The following UBN2 variants were observed in gnomAD, a reference collection of about 807,000 sequenced individuals.
UBN2 encodes the protein ubinuclein 2.
A neutral mutation model predicts 120.2 loss-of-function variants in UBN2; 35 were observed. That is an observed-to-expected ratio of 0.29 (90% CI 0.22 to 0.39). The LOEUF is 0.39. Ranked by LOEUF, UBN2 falls within the 10% of genes least tolerant of loss-of-function variation. The pLI, the probability that UBN2 is intolerant of heterozygous loss-of-function variation, is 1.00. For missense variants in UBN2, 1,693 were observed against 1,663.2 expected (o/e 1.02, Z -0.31); for synonymous variants, 661 against 648.7 (o/e 1.02, Z -0.29).
intron 2 of UBN2, among the ~76,000 whole-genome samples, chr7:139,246,843 C>T (rs1796482614): frequency 6.6e-6 from 1 of 152,162 alleles, no homozygotes. Flanking sequence ...GGTACTTTGA[C>T]TTAGCATAGT....
chr7:139,311,578 CACCTAGCACAGT>C (rs919940732), downstream of UBN2, among the ~76,000 whole-genome samples: 6 of 152,226 alleles, frequency 3.9e-5, no homozygotes, highest in Non-Finnish European at 5.9e-5. Flanking sequence ...GTATGGAAAG[CACCTAGCACAGT>C]GCCTAGCACA....
In UBN2 at chr7:139,273,953, G is replaced by A. The variant is rs1797365674; in HGVS notation, c.1852G>A (p.Glu618Lys). The A allele has an allele frequency of 4.3e-6, 7 of 1,610,130 alleles. No homozygotes were observed. Among genetic ancestry groups the A allele is most frequent in the Non-Finnish European group, 5.1e-6 (6 of 1,178,986 alleles). ...TAGAACTTTGTTATGTAACCTTGTT[G>A]AGATCAAATTGGGATGCTATGAGTT... ...TIRTLLCNLVEIKLGCYELEP... is the reference protein window; with the variant it reads ...TIRTLLCNLVKIKLGCYELEP... Residue 618 changes from glutamate (E) to lysine (K), a missense_variant, in exon 11 of 18, where the codon GAG becomes AAG. By Grantham distance (56) the Glu-to-Lys change is moderately conservative. Transcript: ENST00000473989.
intron 13 of UBN2, 76 bp downstream of exon 13, chr7:139,279,436 T>A: frequency 4.1e-6 from 5 of 1,217,268 alleles, no homozygotes; most frequent in Non-Finnish European, 4.8e-6. Flanking sequence ...GAAAAAGATG[T>A]ATGGTATTTA....
chr7:139,249,036 A>G (rs199973346), intron 2 of UBN2, among the ~76,000 whole-genome samples: 53 of 138,656 alleles, frequency 3.8e-4, no homozygotes, highest in South Asian at 4.5e-4. Context: ...GTGTGTGTGT[A>G]TGCATGTATG....
chr7:139,289,909 T>C (rs1423465935), intron 15 of UBN2, among the ~76,000 whole-genome samples: 3 of 151,636 alleles, frequency 2.0e-5, no homozygotes, highest in Non-Finnish European at 4.4e-5. Flanking sequence ...TTTTTTTTTT[T>C]CCGAGACAGA....
intron 6 of UBN2, among the ~76,000 whole-genome samples, chr7:139,263,422 A>G (rs1256799939): frequency 2.0e-5 from 3 of 152,078 alleles, no homozygotes; most frequent in African/African-American, 7.2e-5. Flanking sequence ...CTGTGGATTG[A>G]GACTTATCAG....
At chr7:139,319,329 A>C in the UBN2 span, among the ~76,000 whole-genome samples, 1 of 151,974 alleles carries the variant, frequency 6.6e-6, no homozygotes, top group Non-Finnish European at 1.5e-5. Context: ...GCAATCTACC[A>C]TCCTGGGCTT....
At chr7:139,275,277 CAAAA>C (rs758714682) in intron 11 of UBN2, among the ~76,000 whole-genome samples, 38 of 44,898 alleles carry the variant, frequency 8.5e-4, no homozygotes, top group South Asian at 1.5e-3. Context: ...AACTCTGTCT[CAAAA>C]AAAAAAAAAA....
At chr7:139,232,139 G>C (rs949442362) in intron 1 of UBN2, among the ~76,000 whole-genome samples, 187 bp downstream of exon 1, 11 of 151,956 alleles carry the variant, frequency 7.2e-5, no homozygotes, top group Non-Finnish European at 1.6e-4. Flanking sequence ...CCCCAGGGTG[G>C]CCGAGGCTCT....
the UBN2 span, among the ~76,000 whole-genome samples, chr7:139,325,602 A>G: frequency 6.6e-6 from 1 of 152,150 alleles, no homozygotes; most frequent in Admixed American, 6.5e-5. Flanking sequence ...CATCTATAGC[A>G]TCACACTCGA....
At position 139,261,050 on chromosome 7, in the gene UBN2, C is replaced by T. The variant is rs746885040; in HGVS notation, c.906-202C>T. Among the ~76,000 whole-genome samples the T allele has an allele frequency of 2.6e-5, 4 of 152,090 alleles. No homozygotes were observed. In the East Asian group the frequency reaches 7.7e-4, roughly 29 times the overall value. On this transcript the variant is annotated intron_variant, in intron 5 of 17. Transcript: ENST00000473989. ...TCCCCATTTTCTTCACTGTAATGGC[C>T]ATTTACCTATTTGCCTTTCGTGGGT...
chr7:139,327,527 G>T, the UBN2 span, among the ~76,000 whole-genome samples: 34 of 152,244 alleles, frequency 2.2e-4, 1 homozygote, highest in East Asian at 6.6e-3. Flanking sequence ...GGGCAAGAAA[G>T]CAAAAGGGGC....
chr7:139,246,715 CA>C (rs1320223214), intron 2 of UBN2, among the ~76,000 whole-genome samples: 1 of 152,170 alleles, frequency 6.6e-6, no homozygotes, highest in Non-Finnish European at 1.5e-5. Flanking sequence ...TCTGTCCCTC[CA>C]AACTTAGCCT....
In UBN2 at chr7:139,302,920, A is replaced by G. The variant is rs1366257866; in HGVS notation, c.*5084A>G. On this transcript the variant is annotated 3_prime_UTR_variant, in exon 18 of 18. Coordinates refer to ENST00000473989, the MANE Select transcript of UBN2 (RefSeq NM_173569.4). The stretch of plus-strand genomic sequence containing the variant: ...TATAGGAGACAGCATTGGAATAACA[A>G]GAGTACCTTGCAAGTCACATTGGTA... The G allele has an allele frequency of 6.6e-6, 1 of 152,192 alleles. No individual in the cohort carries two copies. Among genetic ancestry groups the G allele is most frequent in the African/African-American group, 2.4e-5 (1 of 41,464 alleles). 9.4% of individuals were successfully genotyped at this position (152,192 alleles called of 1,614,324 possible).
At chr7:139,282,890 G>A (rs1293468779) in intron 14 of UBN2, 134 bp from the exon 15 acceptor site, 1 of 825,486 alleles carries the variant, frequency 1.2e-6, no homozygotes, top group Non-Finnish European at 1.8e-6. Context: ...AATTATTTTT[G>A]TTTTGATAGT....
rs1343114600 is a variant in UBN2, at chr7:139,261,600, T to C, written c.1254T>C (p.Gly418=). ...FDRLLDAASD[G]SPLSESGGEN... The stretch of plus-strand genomic sequence containing the variant: ...GATTACTGGATGCTGCTTCTGATGG[T>C]AGCCCCCTATCTGAGTCGGGGGGTG... Residue 418 remains glycine (G), a synonymous_variant, in exon 6 of 18, where the codon GGT becomes GGC. Transcript: ENST00000473989. The C allele has an allele frequency of 1.2e-6, 2 of 1,614,132 alleles. No homozygotes were observed. Among genetic ancestry groups the C allele is most frequent in the African/African-American group, 2.7e-5 (2 of 74,952 alleles).
At chr7:139,242,552 A>G (rs1319847022) in intron 2 of UBN2, among the ~76,000 whole-genome samples, 1 of 151,104 alleles carries the variant, frequency 6.6e-6, no homozygotes, top group Non-Finnish European at 1.5e-5. Flanking sequence ...TTTTAAAGCA[A>G]ACTGGGGGAG....
chr7:139,312,109 C>T (rs1340050062), downstream of UBN2, among the ~76,000 whole-genome samples: 1 of 152,214 alleles, frequency 6.6e-6, no homozygotes, highest in African/African-American at 2.4e-5. Flanking sequence ...ACATTGTCAT[C>T]AGTCAGCTGG....
chr7:139,312,561 G>A (rs1015606670), downstream of UBN2, among the ~76,000 whole-genome samples: 4 of 152,148 alleles, frequency 2.6e-5, no homozygotes, highest in African/African-American at 9.7e-5. Flanking sequence ...TCTTGTTGTG[G>A]ACATTAATCT....
Sources: allele counts gnomAD v4.1 joint callset (sites outside exome capture counted in the v4.1 genomes callset), GRCh38; gene constraint gnomAD v4.1.1; transcripts MANE v1.5; gene names NCBI Gene and HGNC (gene_info 2026-07-23, HGNC 2026-07-21).